The following RB1 variants were observed in gnomAD, a reference collection of about 807,000 sequenced individuals.
RB1 encodes the protein retinoblastoma-associated protein.
A neutral mutation model predicts 135.4 loss-of-function variants in RB1; 18 were observed. The ratio of observed to expected loss-of-function variants is 0.13; its 90% CI spans 0.09 to 0.20. The LOEUF is 0.20. Ranked by LOEUF, RB1 falls within the 10% of genes least tolerant of loss-of-function variation. RB1 has a pLI of 1.00. For missense variants in RB1, 868 were observed against 1,110.0 expected (o/e 0.78, Z 3.10); for synonymous variants, 365 against 373.2 (o/e 0.98, Z 0.25).
chr13:48,372,598 C>T (rs900900547), intron 11 of RB1, among the ~76,000 whole-genome samples: 1 of 151,728 alleles, frequency 6.6e-6, no homozygotes, highest in Admixed American at 6.6e-5. Context: ...TTGCAGTGAG[C>T]CAAGATTGCG....
chr13:48,362,761 T>G, intron 7 of RB1, 54 bp from the exon 8 acceptor site: 2 of 1,557,100 alleles, frequency 1.3e-6, no homozygotes, highest in Non-Finnish European at 1.8e-6. Context: ...GAATACTTCA[T>G]TATTTTATAT....
At chr13:48,380,339 G>A in intron 16 of RB1, 98 bp downstream of exon 16, 2 of 885,002 alleles carry the variant, frequency 2.3e-6, no homozygotes, top group Non-Finnish European at 3.6e-6. Context: ...TGAGGTTAAG[G>A]AGAAGGAATG....
chr13:48,352,210 T>A (rs913084245), intron 6 of RB1, among the ~76,000 whole-genome samples: 1 of 152,186 alleles, frequency 6.6e-6, no homozygotes, highest in African/African-American at 2.4e-5. Flanking sequence ...CTGAAAAAAA[T>A]GTGCCTGTTT....
Position 48,456,781 on chromosome 13 carries a change from G to C in RB1, c.1960+432G>C, listed in dbSNP as rs955089639. 2.0e-5 allele frequency among the ~76,000 whole-genome samples: 3 copies of C among 152,240 alleles called. 1 individual carries two copies. Among genetic ancestry groups the C allele is most frequent in the African/African-American group, 7.2e-5 (3 of 41,474 alleles). On this transcript the variant is annotated intron_variant, in intron 19 of 26. Transcript: ENST00000267163. ...AGCGGGGCGGGCAGCTCCAGGTGCT[G>C]GCACAGGTGCCAACTCTCTGTGAGG...
intron 7 of RB1, among the ~76,000 whole-genome samples, chr13:48,362,264 AG>A (rs1952650248): frequency 6.6e-6 from 1 of 151,970 alleles, no homozygotes; most frequent in Non-Finnish European, 1.5e-5. Context: ...TATTTTTAAT[AG>A]CTGAACCTGT....
chr13:48,361,841 T>G (rs1359419880), intron 7 of RB1, among the ~76,000 whole-genome samples: 1 of 152,126 alleles, frequency 6.6e-6, no homozygotes, highest in Non-Finnish European at 1.5e-5. Context: ...CTGATCATAT[T>G]CTGTGGTATA....
chr13:48,319,365 T>C lies in RB1; in HGVS notation c.264+11959T>C. 4.2e-6 allele frequency: 2 copies of C among 471,686 alleles called. No individual in the cohort carries two copies. The highest frequency in any genetic ancestry group is 7.8e-6 in the Non-Finnish European group (2 of 254,956). The allele number at this position is 471,686 out of a possible 1,614,324, so 29.2% of individuals were successfully genotyped here. ...CTCCTTGCGTGTTTGCCGCAGCTAG[T>C]ACACCTGGATGGCCTCCTCAGTGCC... On this transcript the variant is annotated intron_variant, in intron 2 of 26. Coordinates refer to ENST00000267163, the MANE Select transcript of RB1 (RefSeq NM_000321.3). The surrounding 1 kb of genome is among the most constrained non-coding windows in gnomAD (Gnocchi z 5.0).
In RB1 at chr13:48,414,262, G is replaced by C. The variant is rs147133073; in HGVS notation, c.1695+32819G>C. On this transcript the variant is annotated intron_variant, in intron 17 of 26. Transcript: ENST00000267163. ...CCCAGGAGACTGAGGCAGGAGAATC[G>C]CTTGAACCTGGGAGGCAGATGTTGC... Among the ~76,000 whole-genome samples, 946 of 151,534 alleles carry C rather than the reference G, an allele frequency of 6.2e-3. 9 individuals are homozygous for C. The highest frequency in any genetic ancestry group is 0.022 in the African/African-American group (897 of 41,242).
chr13:48,412,028 A>G (rs765378149), intron 17 of RB1: 3 of 1,613,176 alleles, frequency 1.9e-6, no homozygotes, highest in Non-Finnish European at 2.5e-6. Flanking sequence ...CAATCTTTGC[A>G]TTTCTTTTGG....
At chr13:48,436,536 G>T (rs569358742) in intron 17 of RB1, among the ~76,000 whole-genome samples, 48 of 151,946 alleles carry the variant, frequency 3.2e-4, no homozygotes, top group Non-Finnish European at 5.6e-4. Context: ...CCAGCTACTC[G>T]GGAGGCTGAG....
intron 2 of RB1, among the ~76,000 whole-genome samples, chr13:48,311,335 CAT>C (rs1342870991): frequency 1.3e-5 from 2 of 152,162 alleles, no homozygotes; most frequent in East Asian, 1.9e-4. Flanking sequence ...TAAATACAGT[CAT>C]GTGTTGCTTA....
chr13:48,395,244 T>A (rs1948638670), intron 17 of RB1, among the ~76,000 whole-genome samples: 1 of 151,990 alleles, frequency 6.6e-6, no homozygotes, highest in Admixed American at 6.6e-5. Flanking sequence ...CATTTGAAGG[T>A]CATCAACATC....
intron 4 of RB1, among the ~76,000 whole-genome samples, chr13:48,346,232 G>A (rs1952495879): frequency 6.7e-6 from 1 of 150,014 alleles, no homozygotes; most frequent in African/African-American, 2.4e-5. Context: ...ACTAATTATA[G>A]AATACTTGGA....
intron 17 of RB1, among the ~76,000 whole-genome samples, chr13:48,428,680 T>C (rs1949100529): frequency 6.6e-6 from 1 of 152,266 alleles, no homozygotes; most frequent in African/African-American, 2.4e-5. Flanking sequence ...CATCCTTCTG[T>C]AGATTAAAAT....
intron 11 of RB1, among the ~76,000 whole-genome samples, chr13:48,369,299 T>A (rs1036491620): frequency 1.3e-5 from 2 of 152,234 alleles, no homozygotes; most frequent in Admixed American, 1.3e-4. Context: ...TGAGTGCATC[T>A]ACTTTTCTCC....
intron 19 of RB1, among the ~76,000 whole-genome samples, chr13:48,458,579 C>T (rs1278338633): frequency 6.6e-6 from 1 of 152,162 alleles, no homozygotes; most frequent in East Asian, 1.9e-4. Flanking sequence ...CCAGCCTAGA[C>T]CTGCTCAATC....
chr13:48,339,442 G>A (rs557905018), intron 2 of RB1, among the ~76,000 whole-genome samples: 15 of 152,292 alleles, frequency 9.8e-5, no homozygotes, highest in South Asian at 6.2e-4. Flanking sequence ...AGCAATGAGC[G>A]AGGCTCCGTG....
At chr13:48,472,103 T>C (rs139747567) in intron 23 of RB1, among the ~76,000 whole-genome samples, 336 of 152,314 alleles carry the variant, frequency 2.2e-3, no homozygotes, top group African/African-American at 7.8e-3. Flanking sequence ...CATGGGCTAT[T>C]TGAAACTGAC....
intron 2 of RB1, among the ~76,000 whole-genome samples, chr13:48,314,227 G>A (rs970304362): frequency 2.0e-5 from 3 of 151,936 alleles, no homozygotes; most frequent in South Asian, 2.1e-4. Flanking sequence ...GTCAATTTCT[G>A]TTTTAAAAAA....
Sources: allele counts gnomAD v4.1 joint callset (sites outside exome capture counted in the v4.1 genomes callset), GRCh38; gene constraint gnomAD v4.1.1; non-coding constraint Gnocchi (gnomAD v3.1); transcripts MANE v1.5; gene names NCBI Gene and HGNC (gene_info 2026-07-23, HGNC 2026-07-21).